The following ATE1 variants were observed in gnomAD, a reference collection of about 807,000 sequenced individuals.
ATE1 encodes the protein arginyl-tRNA--protein transferase 1.
Under a neutral mutation model 70.5 loss-of-function variants are expected in ATE1, and 36 were observed. That is an observed-to-expected ratio of 0.51 (90% CI 0.39 to 0.67). The LOEUF (loss-of-function observed/expected upper bound fraction) is 0.67. Ranked by LOEUF, ATE1 falls within the 30% of genes least tolerant of loss-of-function variation. The pLI is 0.00. For synonymous variants in ATE1, 232 were observed against 219.3 expected, an observed-to-expected ratio of 1.06 and a Z score of -0.51; for missense variants, 593 against 629.5, an observed-to-expected ratio of 0.94 and a Z score of 0.62.
intron 8 of ATE1, among the ~76,000 whole-genome samples, chr10:121,842,045 T>G (rs568590378): frequency 6.6e-6 from 1 of 152,336 alleles, no homozygotes; most frequent in Admixed American, 6.5e-5. Flanking sequence ...GCCTGTTCTG[T>G]GAGTGCCTCA....
At position 121,924,279 on chromosome 10, in the gene ATE1, G is replaced by A. The variant is rs746936617; in HGVS notation, c.157C>T (p.Arg53Ter). Residue 53 changes from arginine (R) to a stop codon, truncating the protein, a stop_gained, in exon 2 of 12, where the codon CGA becomes TGA. Transcript: ENST00000224652. LOFTEE classifies it high-confidence loss of function. ...TGGAAGCTTTACCTTCGCCATCCTC[G>A]GTCTATGAGATCCTGATAATCCTGT... is the stretch of plus-strand genomic sequence containing the variant. Reference protein sequence around the residue: ...TVQDYQDLIDRGWRRSGKYVY... With the variant: ...TVQDYQDLID The A allele has an allele frequency of 5.0e-6, 8 of 1,613,782 alleles. No homozygotes were observed. The highest frequency in any genetic ancestry group is 1.1e-5 in the South Asian group (1 of 91,076).
intron 6 of ATE1, among the ~76,000 whole-genome samples, chr10:121,901,063 C>T (rs755952970): frequency 6.6e-6 from 1 of 152,060 alleles, no homozygotes; most frequent in African/African-American, 2.4e-5. Context: ...GTCAGGAGTT[C>T]GTGACCAGCC....
chr10:121,789,869 T>C (rs1159503750), intron 11 of ATE1, among the ~76,000 whole-genome samples: 1 of 152,154 alleles, frequency 6.6e-6, no homozygotes, highest in East Asian at 1.9e-4. Context: ...GGCACCGTGA[T>C]AGTTGGAAAA....
At chr10:121,860,241 G>C (rs1042206139) in intron 8 of ATE1, among the ~76,000 whole-genome samples, 1 of 152,176 alleles carries the variant, frequency 6.6e-6, no homozygotes, top group African/African-American at 2.4e-5. Context: ...TGACTAAGGG[G>C]CTTGCTCAAG....
chr10:121,785,880 C>T (rs897097038), intron 11 of ATE1, among the ~76,000 whole-genome samples: 12 of 151,870 alleles, frequency 7.9e-5, no homozygotes, highest in African/African-American at 1.5e-4. Flanking sequence ...AGATTTTTTG[C>T]GAACATTTCA....
At chr10:121,867,590 T>TAC in intron 8 of ATE1, among the ~76,000 whole-genome samples, 1 of 152,256 alleles carries the variant, frequency 6.6e-6, no homozygotes, top group South Asian at 2.1e-4. Context: ...TAAGAAGCAT[T>TAC]ACCAAAAAGC....
intron 3 of ATE1, among the ~76,000 whole-genome samples, chr10:121,918,792 G>T (rs78577364): frequency 6.7e-6 from 1 of 148,908 alleles, no homozygotes. Flanking sequence ...ACGGCCAGCT[G>T]GACTTCTGGG....
At chr10:121,758,347 G>A (rs1006674140) in intron 11 of ATE1, among the ~76,000 whole-genome samples, 14 of 152,210 alleles carry the variant, frequency 9.2e-5, no homozygotes, top group Non-Finnish European at 1.5e-4. Context: ...TACAATGAAA[G>A]GGAGTCATAA....
chr10:121,900,640 A>T (rs12777513), intron 6 of ATE1, among the ~76,000 whole-genome samples: 69,899 of 152,066 alleles, frequency 0.46, 16,859 homozygotes, highest in African/African-American at 0.61. Flanking sequence ...AAAATGTATT[A>T]GCAAAACAGA....
rs3763752 is a variant in ATE1 at position 121,742,635 on chromosome 10, G to C, written c.*1045C>G. On this transcript the variant is annotated 3_prime_UTR_variant, in exon 12 of 12. Transcript: ENST00000224652. Reference sequence around the variant, plus strand: ...CAAAAGAAAGTGAGGGAAGGAGGGGGCTGGCCTCTGCTCTGAGTTACTAAG... The same window carrying C: ...CAAAAGAAAGTGAGGGAAGGAGGGGCCTGGCCTCTGCTCTGAGTTACTAAG... 0.1 allele frequency: 15,952 copies of C among 152,372 alleles called. 901 individuals are homozygous for C. Among genetic ancestry groups the C allele is most frequent in the Middle Eastern group, 0.19 (56 of 296 alleles). 9.4% of individuals were successfully genotyped at this position (152,372 alleles called of 1,614,324 possible). A position where few individuals can be genotyped will look rare whatever the true frequency, so the allele number is the denominator to read the frequency against.
chr10:121,926,717 C>A (rs1381517040), intron 1 of ATE1: 1 of 985,146 alleles, frequency 1.0e-6, no homozygotes, highest in Non-Finnish European at 1.2e-6. Flanking sequence ...ATCCACAATA[C>A]TCTAAGGCCA....
chr10:121,850,082 T>C lies in ATE1; in HGVS notation c.976-8819A>G, dbSNP rs145512219. On this transcript the variant is annotated intron_variant, in intron 8 of 11. Transcript: ENST00000224652. Reference sequence around the variant, plus strand: ...GAGTGGTCACGTAGTATTGTTGTTATAGAGAAAAACTAGAAACTAACTCAC... The same window carrying C: ...GAGTGGTCACGTAGTATTGTTGTTACAGAGAAAAACTAGAAACTAACTCAC... 7.1e-3 allele frequency among the ~76,000 whole-genome samples: 1,079 copies of C among 152,310 alleles called. 25 individuals carry two copies. The highest frequency in any genetic ancestry group is 0.025 in the African/African-American group (1,020 of 41,560).
intron 5 of ATE1, among the ~76,000 whole-genome samples, chr10:121,908,370 T>C (rs1951285150): frequency 6.6e-6 from 1 of 152,060 alleles, no homozygotes; most frequent in Admixed American, 6.6e-5. Context: ...CCAGCTGTGG[T>C]GGCATGCACC....
chr10:121,797,989 A>C (rs1946726227), intron 10 of ATE1, among the ~76,000 whole-genome samples: 2 of 152,222 alleles, frequency 1.3e-5, no homozygotes, highest in South Asian at 4.1e-4. Context: ...ATGTGTTCCA[A>C]AACCTGCCCA....
At chr10:121,745,511 TC>T (rs774722778) in intron 11 of ATE1, among the ~76,000 whole-genome samples, 9 of 151,970 alleles carry the variant, frequency 5.9e-5, no homozygotes, top group Non-Finnish European at 1.2e-4. Flanking sequence ...GGTCAGGAGA[TC>T]GACACCATTC....
At chr10:121,858,780 A>AGG (rs1949355618) in intron 8 of ATE1, among the ~76,000 whole-genome samples, 2 of 150,960 alleles carry the variant, frequency 1.3e-5, no homozygotes, top group African/African-American at 4.9e-5. Context: ...CCACTTTAAA[A>AGG]TGTATATAAG....
At chr10:121,871,257 G>C (rs571841963) in intron 7 of ATE1, among the ~76,000 whole-genome samples, 1 of 152,088 alleles carries the variant, frequency 6.6e-6, no homozygotes, top group Admixed American at 6.5e-5. Context: ...ACAGGAGTTC[G>C]AGTCGAGCCT....
chr10:121,801,252 C>A (rs1765445996), intron 10 of ATE1, among the ~76,000 whole-genome samples: 1 of 152,256 alleles, frequency 6.6e-6, no homozygotes, highest in East Asian at 1.9e-4. Flanking sequence ...TAATTAAAAT[C>A]CAAGCGTTCT....
intron 4 of ATE1, among the ~76,000 whole-genome samples, chr10:121,912,875 C>T (rs911633037): frequency 4.3e-5 from 6 of 139,980 alleles, no homozygotes; most frequent in Non-Finnish European, 8.1e-5. Flanking sequence ...GCTGGGACTA[C>T]GGGCGTGCAC....
Sources: gnomAD v4.1 joint callset for allele counts (sites outside exome capture counted in the v4.1 genomes callset) on GRCh38, gnomAD v4.1.1 for gene constraint, MANE v1.5 for transcripts, NCBI Gene and HGNC (gene_info 2026-07-23, HGNC 2026-07-21) for gene names.